The following DGKB variants were observed in gnomAD, a reference collection of about 807,000 sequenced individuals.
The protein encoded by DGKB is diacylglycerol kinase beta.
DGKB carries 67 observed loss-of-function variants against 114.3 expected under a neutral mutation model. That is an observed-to-expected ratio of 0.59 (90% CI 0.48 to 0.72). The LOEUF is 0.72. DGKB is among the 30% of genes least tolerant of loss of function. DGKB has a pLI of 0.00. For missense variants in DGKB, 907 were observed against 975.2 expected, an observed-to-expected ratio of 0.93 and a Z score of 0.93; for synonymous variants, 398 against 323.1, an observed-to-expected ratio of 1.23 and a Z score of -2.49.
intron 21 of DGKB, among the ~76,000 whole-genome samples, chr7:14,382,247 C>A (rs1819596657): frequency 6.6e-6 from 1 of 151,518 alleles, no homozygotes. Flanking sequence ...TATCCGTAAT[C>A]AGTAGAGCCC....
intron 23 of DGKB, among the ~76,000 whole-genome samples, chr7:14,298,310 A>G (rs1802926669): frequency 6.6e-6 from 1 of 152,198 alleles, no homozygotes; most frequent in Non-Finnish European, 1.5e-5. Context: ...AAACTATACT[A>G]CAAGGCTACA....
chr7:14,818,021 C>A (rs1844406372), intron 2 of DGKB, among the ~76,000 whole-genome samples: 1 of 151,924 alleles, frequency 6.6e-6, no homozygotes, highest in South Asian at 2.1e-4. Context: ...GAGAAAGCAA[C>A]CCAGATACCA....
chr7:14,932,657 G>A (rs535212829), intron 1 of DGKB, among the ~76,000 whole-genome samples: 1 of 152,258 alleles, frequency 6.6e-6, no homozygotes, highest in Non-Finnish European at 1.5e-5. Flanking sequence ...TCAAACATAA[G>A]TCACTTAATG....
intron 20 of DGKB, among the ~76,000 whole-genome samples, chr7:14,479,224 T>A (rs1206019753): frequency 6.6e-6 from 1 of 152,162 alleles, no homozygotes; most frequent in African/African-American, 2.4e-5. Context: ...AATAAAGAAG[T>A]TGTGTATTTG....
At chr7:14,474,245 T>C (rs1221434394) in intron 21 of DGKB, among the ~76,000 whole-genome samples, 1 of 152,094 alleles carries the variant, frequency 6.6e-6, no homozygotes, top group African/African-American at 2.4e-5. Context: ...TCTCATGAGA[T>C]CTGATGGTTC....
intron 25 of DGKB, among the ~76,000 whole-genome samples, chr7:14,166,496 G>A (rs887847817): frequency 2.6e-5 from 4 of 152,114 alleles, no homozygotes; most frequent in Non-Finnish European, 5.9e-5. Flanking sequence ...CCAATCTGAT[G>A]GAGAGAATTT....
intron 23 of DGKB, among the ~76,000 whole-genome samples, chr7:14,193,220 A>G (rs1158214811): frequency 1.3e-5 from 2 of 152,112 alleles, no homozygotes; most frequent in Non-Finnish European, 2.9e-5. Context: ...ACTACAAAAT[A>G]CCCTAAATAG....
chr7:14,370,072 G>A (rs1026802931), intron 21 of DGKB, among the ~76,000 whole-genome samples: 1 of 152,032 alleles, frequency 6.6e-6, no homozygotes, highest in African/African-American at 2.4e-5. Flanking sequence ...GGGCTTTTAT[G>A]GTTTTAGGTC....
chr7:14,906,262 C>T (rs910394111), upstream of DGKB, among the ~76,000 whole-genome samples: 6 of 151,574 alleles, frequency 4.0e-5, no homozygotes, highest in African/African-American at 1.5e-4. Context: ...TTTATGTGTG[C>T]TTGTTCCTAA....
At chr7:14,853,526 C>T (rs1366370047) in intron 1 of DGKB, among the ~76,000 whole-genome samples, 2 of 151,730 alleles carry the variant, frequency 1.3e-5, no homozygotes, top group Admixed American at 1.3e-4. Flanking sequence ...AAATTGCAAA[C>T]ACTTTTAGAA....
chr7:14,750,817 C>CTTTTT (rs1834011007), intron 4 of DGKB, among the ~76,000 whole-genome samples: 1 of 62,626 alleles, frequency 1.6e-5, no homozygotes, highest in Non-Finnish European at 4.2e-5. Flanking sequence ...TTTTTTTTTT[C>CTTTTT]TGAGACAGAG....
chr7:14,782,251 C>A (rs1839220465), intron 2 of DGKB, among the ~76,000 whole-genome samples: 1 of 152,128 alleles, frequency 6.6e-6, no homozygotes, highest in African/African-American at 2.4e-5. Flanking sequence ...GTCTTGAACT[C>A]CTGGCCTCAA....
In DGKB at chr7:14,825,048, A is replaced by G. The variant is rs892917966; in HGVS notation, c.70+16146T>C. Among the ~76,000 whole-genome samples, 7 of 141,234 alleles carry G rather than the reference A, an allele frequency of 5.0e-5. No individual in the cohort carries two copies. In the East Asian group the frequency reaches 6.4e-4, roughly 13 times the overall value. 92.7% of individuals were successfully genotyped at this position (141,234 alleles called of 152,430 possible). On this transcript the variant is annotated intron_variant, in intron 2 of 25. Coordinates refer to ENST00000402815, the MANE Select transcript of DGKB (RefSeq NM_001350709.2). ...TATATATATATATATATATATATAT[A>G]TATATATATCACATGTACTAGGTAA...
chr7:14,807,728 C>A (rs1162659561), intron 2 of DGKB, among the ~76,000 whole-genome samples: 3 of 152,070 alleles, frequency 2.0e-5, no homozygotes, highest in East Asian at 1.9e-4. Context: ...ATCAACCAGA[C>A]ATTTTATGGT....
At chr7:14,657,100 T>G (rs1271857008) in intron 13 of DGKB, among the ~76,000 whole-genome samples, 1 of 151,782 alleles carries the variant, frequency 6.6e-6, no homozygotes, top group Admixed American at 6.6e-5. Context: ...TATGTCTCTT[T>G]AAAATATATG....
At chr7:14,709,795 A>G (rs1234381122) in intron 6 of DGKB, among the ~76,000 whole-genome samples, 1 of 125,118 alleles carries the variant, frequency 8.0e-6, no homozygotes, top group Admixed American at 1.0e-4. Flanking sequence ...GAAGGGGAAT[A>G]TCACACTCTG....
intron 13 of DGKB, among the ~76,000 whole-genome samples, chr7:14,656,877 C>T (rs1815939942): frequency 1.3e-5 from 2 of 151,514 alleles, no homozygotes; most frequent in African/African-American, 4.8e-5. Flanking sequence ...CAATTGTCTA[C>T]AACACTTGAA....
At chr7:14,766,974 A>G (rs1465313911) in intron 2 of DGKB, among the ~76,000 whole-genome samples, 1 of 151,600 alleles carries the variant, frequency 6.6e-6, no homozygotes, top group Non-Finnish European at 1.5e-5. Flanking sequence ...TCAATTCAGT[A>G]GCTGGGAAAA....
chr7:14,646,412 C>A (rs890033043), intron 13 of DGKB, among the ~76,000 whole-genome samples: 1 of 152,134 alleles, frequency 6.6e-6, no homozygotes, highest in African/African-American at 2.4e-5. Flanking sequence ...CAATGCCCCA[C>A]ATTGAGTATT....
Sources: gnomAD v4.1 joint callset for allele counts (sites outside exome capture counted in the v4.1 genomes callset) on GRCh38, gnomAD v4.1.1 for gene constraint, MANE v1.5 for transcripts, NCBI Gene and HGNC (gene_info 2026-07-23, HGNC 2026-07-21) for gene names.